The following GIMAP8 variants were observed in gnomAD, a reference collection of about 807,000 sequenced individuals.
GIMAP8 encodes the protein GTPase IMAP family member 8.
A neutral mutation model predicts 35.6 loss-of-function variants in GIMAP8; 29 were observed. The ratio of observed to expected loss-of-function variants is 0.81; its 90% CI spans 0.61 to 1.11. The LOEUF is 1.11. GIMAP8 is among the 50% of genes most tolerant of loss of function. The pLI, the probability that GIMAP8 is intolerant of heterozygous loss-of-function variation, is 0.00. For synonymous variants in GIMAP8, 335 were observed against 308.7 expected (o/e 1.09, Z -0.89); for missense variants, 811 against 805.0 (o/e 1.01, Z -0.09).
rs914281868 is a variant in GIMAP8 at position 150,477,892 on chromosome 7, T to C, written c.*112T>C. ...AAGCGGGTTCATGGCTTTGAGGGCCTGAGAGGCAAATGCATCCCGCCTTGT... is the reference window on the plus strand; with the variant it reads ...AAGCGGGTTCATGGCTTTGAGGGCCCGAGAGGCAAATGCATCCCGCCTTGT... On this transcript the variant is annotated 3_prime_UTR_variant, in exon 5 of 5. Coordinates refer to ENST00000307271, the MANE Select transcript of GIMAP8 (RefSeq NM_175571.4). 34 of 791,896 alleles carry C rather than the reference T, an allele frequency of 4.3e-5. No homozygotes were observed. The South Asian group carries it at 6.0e-4, about 14-fold the overall frequency. The allele number at this position is 791,896 out of a possible 1,614,324, so 49.1% of individuals were successfully genotyped here.
At chr7:150,452,707 T>TACAC (rs1190210014) in intron 1 of GIMAP8, among the ~76,000 whole-genome samples, 2 of 91,544 alleles carry the variant, frequency 2.2e-5, no homozygotes, top group African/African-American at 3.5e-5. Context: ...TATATATATA[T>TACAC]ATACATGCGA....
rs374194569 is a variant in GIMAP8 at position 150,468,585 on chromosome 7, G to T, written c.636+1251G>T. 3.9e-4 allele frequency among the ~76,000 whole-genome samples: 60 copies of T among 152,286 alleles called. No individual in the cohort carries two copies. The East Asian group carries it at 0.01, about 26-fold the overall frequency. ...TCTATCTATATTGACTCCTACAGAT[G>T]TACAGAATGCATTATTAAGCAGATT... is the stretch of plus-strand genomic sequence containing the variant. On this transcript the variant is annotated intron_variant, in intron 2 of 4. Coordinates refer to ENST00000307271, the MANE Select transcript of GIMAP8 (RefSeq NM_175571.4).
Position 150,467,094 on chromosome 7 carries a change from CT to C in GIMAP8, c.398del (p.Phe133SerfsTer61). On this transcript the variant is annotated frameshift_variant, in exon 2 of 5. Transcript: ENST00000307271. LOFTEE classifies it high-confidence loss of function. ...AEARRHIIIV[F>X]TRKDDLGDDL... is the part of the protein sequence containing the mutation. ...AAGCCAGGAGGCACATCATTATTGTCTTCACTCGGAAGGATGATTTGGGGGA... is the reference window on the plus strand; with the variant it reads ...AAGCCAGGAGGCACATCATTATTGTCTCACTCGGAAGGATGATTTGGGGGA... 1 of 1,614,208 alleles carries C rather than the reference CT, an allele frequency of 6.2e-7. No homozygotes were observed. Among genetic ancestry groups the C allele is most frequent in the Non-Finnish European group, 8.5e-7 (1 of 1,180,036 alleles).
In GIMAP8 at chr7:150,471,929, C is replaced by T. The variant is rs184723294; in HGVS notation, c.682+1055C>T. ...CTTCATAGCATATTCATATATAATC[C>T]TCTTAAAATACACCAGTTCAATTCT... On this transcript the variant is annotated intron_variant, in intron 3 of 4. Coordinates refer to ENST00000307271, the MANE Select transcript of GIMAP8 (RefSeq NM_175571.4). 9.9e-5 allele frequency among the ~76,000 whole-genome samples: 15 copies of T among 152,092 alleles called. No homozygotes were observed. The East Asian group carries it at 2.9e-3, about 29-fold the overall frequency.
chr7:150,452,607 ATGTATATATGTATATATG>A (rs1252424633), intron 1 of GIMAP8, among the ~76,000 whole-genome samples: 4 of 144,156 alleles, frequency 2.8e-5, no homozygotes, highest in Admixed American at 7.1e-5. Context: ...GTATATATGT[ATGTATATATGTATATATG>A]TGTATATATG....
chr7:150,467,264 T>C lies in GIMAP8; in HGVS notation c.566T>C (p.Val189Ala). 6.2e-7 allele frequency: 1 copy of C among 1,614,176 alleles called. No homozygotes were observed. The highest frequency in any genetic ancestry group is 8.5e-7 in the Non-Finnish European group (1 of 1,180,022). Residue 189 changes from valine (V) to alanine (A), a missense_variant, in exon 2 of 5, where the codon GTT becomes GCT. Physicochemically the swap from Val to Ala is moderately conservative, Grantham distance 64. Transcript: ENST00000307271. ...CAGGTGTTGGAGCTCCTTCGCAAGGTTGAGTCTTTGGTGAATACGAACGGA... is the reference window on the plus strand; with the variant it reads ...CAGGTGTTGGAGCTCCTTCGCAAGGCTGAGTCTTTGGTGAATACGAACGGA... ...ITQVLELLRK[V>A]ESLVNTNGGP...
intron 2 of GIMAP8, among the ~76,000 whole-genome samples, chr7:150,469,785 C>G (rs957641875): frequency 6.6e-6 from 1 of 151,792 alleles, no homozygotes; most frequent in African/African-American, 2.4e-5. Context: ...ACAGTAAAAC[C>G]AGAAATAAAC....
chr7:150,477,445 G>C lies in GIMAP8; in HGVS notation c.1663G>C (p.Asp555His), dbSNP rs1315983606. The C allele has an allele frequency of 6.2e-7, 1 of 1,613,734 alleles. No homozygotes were observed. The highest frequency in any genetic ancestry group is 1.7e-5 in the Admixed American group (1 of 60,024). The part of the protein sequence containing the change: ...VAKLEAIFGA[D>H]FTKYAIMLFT... ...GAAACTGGAGGCCATCTTTGGAGCAGACTTTACGAAATACGCGATTATGCT... is the reference window on the plus strand; with the variant it reads ...GAAACTGGAGGCCATCTTTGGAGCACACTTTACGAAATACGCGATTATGCT... Residue 555 changes from aspartate to histidine, a missense_variant, in exon 5 of 5, where the codon GAC (aspartate) becomes CAC (histidine). By Grantham distance (81) the Asp-to-His change is moderately conservative (BLOSUM62 -1). Transcript: ENST00000307271.
chr7:150,458,474 C>A (rs1283150138), intron 1 of GIMAP8, among the ~76,000 whole-genome samples: 2 of 152,172 alleles, frequency 1.3e-5, no homozygotes, highest in African/African-American at 4.8e-5. Flanking sequence ...TAATGTAAAT[C>A]TTATCGCAAA....
At chr7:150,468,882 C>G (rs1364603251) in intron 2 of GIMAP8, among the ~76,000 whole-genome samples, 1 of 152,196 alleles carries the variant, frequency 6.6e-6, no homozygotes, top group Non-Finnish European at 1.5e-5. Flanking sequence ...CATGAGGAAA[C>G]TGAGGCTCAA....
intron 1 of GIMAP8, among the ~76,000 whole-genome samples, chr7:150,461,170 C>A (rs1045918509): frequency 3.3e-5 from 5 of 152,228 alleles, no homozygotes; most frequent in Admixed American, 1.3e-4. Flanking sequence ...CTGGAAAATT[C>A]TCTATGTGCT....
intron 1 of GIMAP8, among the ~76,000 whole-genome samples, chr7:150,463,758 C>G (rs567935461): frequency 6.6e-6 from 1 of 152,146 alleles, no homozygotes; most frequent in Non-Finnish European, 1.5e-5. Context: ...TGACTATGGG[C>G]TATGTGGGTC....
intron 2 of GIMAP8, among the ~76,000 whole-genome samples, chr7:150,469,966 T>C (rs1802052996): frequency 6.6e-6 from 1 of 152,244 alleles, no homozygotes; most frequent in Admixed American, 6.5e-5. Context: ...CATATGTTCA[T>C]GTATGCTTGT....
rs750836899 is a variant in GIMAP8, at chr7:150,467,003, C to T, written c.305C>T (p.Ala102Val). 6 of 1,614,224 alleles carry T rather than the reference C, an allele frequency of 3.7e-6. No individual in the cohort carries two copies. In the Admixed American group the frequency reaches 1.0e-4, roughly 27 times the overall value. Residue 102 changes from alanine (A) to valine (V), a missense_variant, in exon 2 of 5, where the codon GCC (alanine) becomes GTC (valine). By Grantham distance (64) the Ala-to-Val change is moderately conservative (BLOSUM62 0). Coordinates refer to ENST00000307271, the MANE Select transcript of GIMAP8 (RefSeq NM_175571.4). Reference protein sequence around the residue: ...PSLHALLLVIAIGHFTREDEE... With the variant: ...PSLHALLLVIVIGHFTREDEE... Reference sequence around the variant, plus strand: ...CTCCATGCTCTGCTCTTGGTAATTGCCATCGGCCATTTCACAAGGGAGGAT... The same window carrying T: ...CTCCATGCTCTGCTCTTGGTAATTGTCATCGGCCATTTCACAAGGGAGGAT...
intron 4 of GIMAP8, among the ~76,000 whole-genome samples, chr7:150,476,774 G>C (rs1802237635): frequency 1.3e-5 from 2 of 152,180 alleles, no homozygotes; most frequent in Admixed American, 6.5e-5. Context: ...ACACTCACAG[G>C]TGCCAGGGAG....
intron 1 of GIMAP8, among the ~76,000 whole-genome samples, chr7:150,456,089 AAT>A (rs1228269059): frequency 6.6e-6 from 1 of 152,194 alleles, no homozygotes; most frequent in Non-Finnish European, 1.5e-5. Context: ...AAATAGTACT[AAT>A]ATTCCCAGAA....
chr7:150,471,274 G>A (rs955933902), intron 3 of GIMAP8, among the ~76,000 whole-genome samples: 2 of 152,198 alleles, frequency 1.3e-5, no homozygotes, highest in Non-Finnish European at 2.9e-5. Context: ...CAGTATTCAG[G>A]TGATGATTGC....
At chr7:150,470,657 G>A (rs1802066148) in intron 2 of GIMAP8, among the ~76,000 whole-genome samples, 172 bp from the exon 3 acceptor site, 1 of 151,640 alleles carries the variant, frequency 6.6e-6, no homozygotes, top group Non-Finnish European at 1.5e-5. Flanking sequence ...TTGTGGACAG[G>A]TCCACAAAGA....
Position 150,477,336 on chromosome 7 carries a change from G to A in GIMAP8, c.1554G>A (p.Leu518=), listed in dbSNP as rs772873525. The part of the protein sequence containing the change: ...SRLEEEVKRC[L]SCCEKGDTFF... ...TAGAAGAGGAGGTCAAGCGCTGTTT[G>A]TCCTGCTGTGAAAAAGGGGACACAT... The change falls in exon 5 of 5, where the codon TTG becomes TTA. Residue 518 remains leucine (L), a synonymous_variant. Transcript: ENST00000307271. 6 of 1,614,076 alleles carry A rather than the reference G, an allele frequency of 3.7e-6. No homozygotes were observed. The highest frequency in any genetic ancestry group is 5.1e-6 in the Non-Finnish European group (6 of 1,180,038).
Sources: gnomAD v4.1 joint callset for allele counts (sites outside exome capture counted in the v4.1 genomes callset) on GRCh38, gnomAD v4.1.1 for gene constraint, MANE v1.5 for transcripts, NCBI Gene and HGNC (gene_info 2026-07-23, HGNC 2026-07-21) for gene names.